ZFP90: variants seen among roughly 807,000 people sequenced by gnomAD.
ZFP90 encodes ZFP90 zinc finger protein, also known as zinc finger protein 90 homolog.
Under a neutral mutation model 60.8 loss-of-function variants are expected in ZFP90, and 38 were observed. The observed-to-expected ratio is 0.62, with a 90% confidence interval of 0.48 to 0.82. The LOEUF (loss-of-function observed/expected upper bound fraction) is 0.82, where lower values mean the gene tolerates loss of function less well. ZFP90 is among the 40% of genes least tolerant of loss of function. The probability of loss-of-function intolerance (pLI) is 0.00; values close to 1 mark genes in which losing one functional copy is unlikely to be tolerated. For synonymous variants in ZFP90, 287 were observed against 264.8 expected (o/e 1.08, Z -0.82); for missense variants, 711 against 759.1 (o/e 0.94, Z 0.74).
At chr16:68,557,013 A>G (rs1193437552) in intron 2 of ZFP90, among the ~76,000 whole-genome samples, 4 of 152,168 alleles carry the variant, frequency 2.6e-5, no homozygotes, top group East Asian at 1.9e-4. Flanking sequence ...TTTTTGAGAC[A>G]GTCTCACTCC....
At chr16:68,575,056 TG>T (rs2049400281) in intron 2 of ZFP90, among the ~76,000 whole-genome samples, 1 of 152,018 alleles carries the variant, frequency 6.6e-6, no homozygotes, top group Non-Finnish European at 1.5e-5. Flanking sequence ...AATGTTGAAC[TG>T]GGGAAAATAA....
intron 3 of ZFP90, 50 bp downstream of exon 3, chr16:68,558,174 C>G: frequency 6.2e-7 from 1 of 1,602,992 alleles, no homozygotes; most frequent in Non-Finnish European, 8.5e-7. Context: ...CCTTTCCTTC[C>G]TTGGTTGCTA....
At chr16:68,547,360 G>C (rs1377001669) in intron 2 of ZFP90, among the ~76,000 whole-genome samples, 1 of 152,140 alleles carries the variant, frequency 6.6e-6, no homozygotes, top group African/African-American at 2.4e-5. Flanking sequence ...AATAATTAGT[G>C]TTCTTGAACA....
At chr16:68,558,284 G>T in intron 3 of ZFP90, 160 bp downstream of exon 3, 2 of 1,246,716 alleles carry the variant, frequency 1.6e-6, no homozygotes, top group Admixed American at 1.9e-5. Context: ...TTTTGAGCCT[G>T]CTCTTTAGGT....
At chr16:68,545,341 T>G (rs900130416) in intron 2 of ZFP90, among the ~76,000 whole-genome samples, 1 of 152,160 alleles carries the variant, frequency 6.6e-6, no homozygotes, top group Non-Finnish European at 1.5e-5. Flanking sequence ...CAGAATCACT[T>G]AAGCCCAAGC....
At chr16:68,542,671 T>C (rs914853481) in intron 2 of ZFP90, among the ~76,000 whole-genome samples, 16 of 152,074 alleles carry the variant, frequency 1.1e-4, no homozygotes, top group Admixed American at 5.2e-4. Flanking sequence ...GGCAAGAAGA[T>C]GGCGGTGCAT....
chr16:68,540,808 C>CAAAG (rs1555497723), intron 2 of ZFP90, among the ~76,000 whole-genome samples: 52,063 of 91,796 alleles, frequency 0.57, 12,953 homozygotes, highest in East Asian at 0.74. Context: ...TCCGTCTCTG[C>CAAAG]AAAAAAAAAA....
Position 68,566,447 on chromosome 16 carries a change from G to T in ZFP90, c.*1749G>T. On this transcript the variant is annotated 3_prime_UTR_variant, in exon 5 of 5. Transcript: ENST00000563169. ...TGCATGCCACATAGCAGGATTCATTGCCTTTCTCTCATCATGGATGGCATG... is the reference window on the plus strand; with the variant it reads ...TGCATGCCACATAGCAGGATTCATTTCCTTTCTCTCATCATGGATGGCATG... The T allele has an allele frequency of 1.0e-6, 1 of 985,502 alleles. No individual in the cohort carries two copies. Among genetic ancestry groups the T allele is most frequent in the Non-Finnish European group, 1.2e-6 (1 of 829,926 alleles). The allele number at this position is 985,502 out of a possible 1,614,324, so 61.0% of individuals were successfully genotyped here.
chr16:68,563,188 G>T lies in ZFP90; in HGVS notation c.401G>T (p.Trp134Leu). 1 of 1,614,094 alleles carries T rather than the reference G, an allele frequency of 6.2e-7. No individual in the cohort carries two copies. The highest frequency in any genetic ancestry group is 1.3e-5 in the African/African-American group (1 of 75,014). Residue 134 changes from tryptophan (W) to leucine (L), a missense_variant, in exon 5 of 5, where the codon TGG becomes TTG. Trp to Leu is a moderately conservative substitution (Grantham distance 61). This residue lies in a region of ZFP90 where 241 missense variants were observed against 247.6 expected (regional missense o/e 0.97). Coordinates refer to ENST00000563169, the MANE Select transcript of ZFP90 (RefSeq NM_001305203.2). ...SSQLDRQQEN[W>L]KRHLGSEAST... ...CAGTTAGACAGGCAACAGGAAAACTGGAAGAGACATCTGGGATCAGAGGCA... is the reference window on the plus strand; with the variant it reads ...CAGTTAGACAGGCAACAGGAAAACTTGAAGAGACATCTGGGATCAGAGGCA...
Position 68,539,921 on chromosome 16 carries a change from A to C in ZFP90, c.33+96A>C, listed in dbSNP as rs2091009327. The C allele has an allele frequency of 5.4e-6, 8 of 1,474,614 alleles. No individual in the cohort carries two copies. The African/African-American group carries it at 5.6e-5, about 10-fold the overall frequency. The allele number at this position is 1,474,614 out of a possible 1,614,324, so 91.3% of individuals were successfully genotyped here. ...AGCAGTCATTGTTCTCTGCCTGGCG[A>C]CTCCCTTACTTGCTTGGCTCGATCG... On this transcript the variant is annotated intron_variant, in intron 2 of 4. Coordinates refer to ENST00000563169, the MANE Select transcript of ZFP90 (RefSeq NM_001305203.2).
At chr16:68,562,493 T>A in intron 4 of ZFP90, 1 of 155,594 alleles carries the variant, frequency 6.4e-6, no homozygotes, top group Non-Finnish European at 1.4e-5. Flanking sequence ...ACAAAGATGA[T>A]TTGCCTCCTG....
rs779399319 is a variant in ZFP90, at chr16:68,564,120, A to G, written c.1333A>G (p.Thr445Ala). The change falls in exon 5 of 5, where the codon ACC becomes GCC. Residue 445 changes from threonine (T) to alanine (A), a missense_variant. Thr to Ala is a moderately conservative substitution (Grantham distance 58). Around this residue, in one of 5 missense-constraint regions of ZFP90, gnomAD observed 295 missense variants for 274.0 expected, o/e 1.08. Coordinates refer to ENST00000563169, the MANE Select transcript of ZFP90 (RefSeq NM_001305203.2). ...TSLTQDESTL[T>A]EVKSYHCNDC... The stretch of plus-strand genomic sequence containing the variant: ...TCTCACTCAAGATGAAAGCACTCTT[A>G]CCGAAGTGAAATCCTACCATTGTAA... 9 of 1,614,078 alleles carry G rather than the reference A, an allele frequency of 5.6e-6. No individual in the cohort carries two copies. In the East Asian group the frequency reaches 1.8e-4, roughly 32 times the overall value.
At chr16:68,573,396 T>G (rs1332239062) in intron 2 of ZFP90, among the ~76,000 whole-genome samples, 1 of 152,172 alleles carries the variant, frequency 6.6e-6, no homozygotes, top group African/African-American at 2.4e-5. Flanking sequence ...TCAGGAGGCT[T>G]GAGGCCAGCA....
At chr16:68,541,371 C>A (rs1303028715) in intron 2 of ZFP90, among the ~76,000 whole-genome samples, 2 of 151,690 alleles carry the variant, frequency 1.3e-5, no homozygotes, top group African/African-American at 4.8e-5. Flanking sequence ...GATGGGGTTT[C>A]TCCAGGCTGG....
chr16:68,548,190 C>T (rs916568774), intron 2 of ZFP90, among the ~76,000 whole-genome samples: 2 of 152,136 alleles, frequency 1.3e-5, no homozygotes, highest in Non-Finnish European at 2.9e-5. Flanking sequence ...AAAGCACTCT[C>T]TTGGATGGGT....
At chr16:68,540,222 C>T (rs2091017361) in intron 2 of ZFP90, among the ~76,000 whole-genome samples, 1 of 152,062 alleles carries the variant, frequency 6.6e-6, no homozygotes, top group Non-Finnish European at 1.5e-5. Flanking sequence ...CAGCTTCTGA[C>T]CCAGGGCCCA....
At chr16:68,571,220 A>G (rs912802807), downstream of ZFP90, among the ~76,000 whole-genome samples, 19 of 152,322 alleles carry the variant, frequency 1.2e-4, no homozygotes, top group Non-Finnish European at 2.5e-4. Context: ...AGGTGTTTCT[A>G]TGTAAAGAGT....
intron 2 of ZFP90, chr16:68,573,949 T>C (rs528300800): frequency 6.6e-6 from 1 of 152,416 alleles, no homozygotes; most frequent in East Asian, 1.9e-4. Flanking sequence ...TTCGCTTCCT[T>C]CTGAGTGGCA....
chr16:68,566,372 G>A lies in ZFP90; in HGVS notation c.*1674G>A. The A allele has an allele frequency of 5.1e-6, 5 of 985,488 alleles. No individual in the cohort carries two copies. In the South Asian group the frequency reaches 1.9e-4, roughly 37 times the overall value. The allele number at this position is 985,488 out of a possible 1,614,324, so 61.0% of individuals were successfully genotyped here. A position where few individuals can be genotyped will look rare whatever the true frequency, so the allele number is the denominator to read the frequency against. ...TTTCCCAGCCCTAAATATGAATCAT[G>A]GGGCAAGATATTGGTCGTATTGATG... On this transcript the variant is annotated 3_prime_UTR_variant, in exon 5 of 5. Coordinates refer to ENST00000563169, the MANE Select transcript of ZFP90 (RefSeq NM_001305203.2).
Sources: allele counts gnomAD v4.1 joint callset (sites outside exome capture counted in the v4.1 genomes callset), GRCh38; gene constraint gnomAD v4.1.1; regional missense constraint gnomAD v4.1.1; transcripts MANE v1.5; gene names NCBI Gene and HGNC (gene_info 2026-07-23, HGNC 2026-07-21).